TEAD1: variants seen among roughly 807,000 people sequenced by gnomAD.
TEAD1 encodes TEA domain transcription factor 1.
Under a neutral mutation model 54.9 loss-of-function variants are expected in TEAD1, and 9 were observed. That is an observed-to-expected ratio of 0.16 (90% confidence interval 0.10 to 0.29). The LOEUF is 0.29. Ranked by LOEUF, TEAD1 falls within the 10% of genes least tolerant of loss-of-function variation. TEAD1 has a pLI of 1.00. For synonymous variants in TEAD1, 200 were observed against 187.8 expected, an observed-to-expected ratio of 1.07 and a Z score of -0.53; for missense variants, 387 against 535.9, an observed-to-expected ratio of 0.72 and a Z score of 2.74.
chr11:12,873,511 A>C (rs1589947240), intron 5 of TEAD1, among the ~76,000 whole-genome samples: 1 of 152,164 alleles, frequency 6.6e-6, no homozygotes, highest in East Asian at 1.9e-4. Context: ...AGCCTTGAAA[A>C]TTTTTCCTTG....
At chr11:12,846,209 C>A (rs1351881773) in intron 3 of TEAD1, among the ~76,000 whole-genome samples, 1 of 152,202 alleles carries the variant, frequency 6.6e-6, no homozygotes, top group Admixed American at 6.5e-5. Context: ...ATTGTCTGAA[C>A]AAAATGTTGC....
chr11:12,716,028 C>T lies in TEAD1; in HGVS notation c.-55+40467C>T, dbSNP rs558946360. 5.6e-4 allele frequency among the ~76,000 whole-genome samples: 85 copies of T among 151,920 alleles called. 1 individual carries two copies. The highest frequency in any genetic ancestry group is 2.0e-3 in the African/African-American group (82 of 41,462). ...CACCCTCCCCACCTTCCCCCCAAGA[C>T]TGAGACTGTCATTTGCCCCCTTTGC... On this transcript the variant is annotated intron_variant, in intron 2 of 12. Coordinates refer to ENST00000527636, the MANE Select transcript of TEAD1 (RefSeq NM_021961.6).
chr11:12,885,677 G>T (rs913656748), intron 9 of TEAD1, among the ~76,000 whole-genome samples: 2 of 152,094 alleles, frequency 1.3e-5, no homozygotes, highest in African/African-American at 4.8e-5. Context: ...AAATACTATG[G>T]AATCATTTAT....
chr11:12,928,528 C>A (rs1459909290), intron 11 of TEAD1, among the ~76,000 whole-genome samples: 3 of 152,094 alleles, frequency 2.0e-5, no homozygotes, highest in Non-Finnish European at 2.9e-5. Flanking sequence ...CCTCAGCCTA[C>A]CAAAGTGCTA....
intron 12 of TEAD1, 143 bp from the exon 13 acceptor site, chr11:12,936,966 G>C (rs914072963): frequency 7.8e-6 from 5 of 639,950 alleles, no homozygotes; most frequent in Non-Finnish European, 1.4e-5. Flanking sequence ...TTCTGAATCT[G>C]TGTTAGAGGA....
intron 8 of TEAD1, 67 bp from the exon 9 acceptor site, chr11:12,882,934 C>T: frequency 1.9e-6 from 3 of 1,612,992 alleles, no homozygotes; most frequent in Non-Finnish European, 2.5e-6. Context: ...GAGCCCTGTT[C>T]CAGTATTTGC....
intron 2 of TEAD1, among the ~76,000 whole-genome samples, chr11:12,751,053 G>A (rs1009800271): frequency 1.7e-4 from 26 of 152,294 alleles, no homozygotes; most frequent in African/African-American, 6.0e-4. Context: ...GTTCATGCCT[G>A]TAGTCCCAGC....
chr11:12,844,224 C>T (rs748671957), intron 3 of TEAD1, among the ~76,000 whole-genome samples: 7 of 151,886 alleles, frequency 4.6e-5, no homozygotes, highest in Non-Finnish European at 8.8e-5. Flanking sequence ...ATGGTAGTGC[C>T]GCCATTGTTT....
At chr11:12,754,142 A>T (rs1372335351) in intron 2 of TEAD1, among the ~76,000 whole-genome samples, 2 of 152,188 alleles carry the variant, frequency 1.3e-5, no homozygotes, top group African/African-American at 2.4e-5. Context: ...CTTTGCATTG[A>T]GGTTTCATAT....
At chr11:12,811,233 C>T (rs1022962577) in intron 3 of TEAD1, among the ~76,000 whole-genome samples, 2 of 152,190 alleles carry the variant, frequency 1.3e-5, no homozygotes, top group African/African-American at 4.8e-5. Context: ...AAGAGAATCA[C>T]ACATCCTGTG....
rs193007315 is a variant in TEAD1, at chr11:12,677,684, C to A, written c.-55+2123C>A. Among the ~76,000 whole-genome samples, 23 of 152,328 alleles carry A rather than the reference C, an allele frequency of 1.5e-4. No individual in the cohort carries two copies. In the East Asian group the frequency reaches 2.3e-3, roughly 15 times the overall value. On this transcript the variant is annotated intron_variant, in intron 2 of 12. Transcript: ENST00000527636. ...GGTGTTTAGATCATATTTGTCCTTACATTTTCAGCAGAAAAGTATATAATA... is the reference window on the plus strand; with the variant it reads ...GGTGTTTAGATCATATTTGTCCTTAAATTTTCAGCAGAAAAGTATATAATA...
At chr11:12,733,830 C>G (rs1203831660) in intron 2 of TEAD1, among the ~76,000 whole-genome samples, 2 of 152,194 alleles carry the variant, frequency 1.3e-5, no homozygotes, top group Non-Finnish European at 2.9e-5. Context: ...CGAAAAATTC[C>G]TATTGTCTAG....
chr11:12,915,837 C>G (rs1016468797), intron 10 of TEAD1, among the ~76,000 whole-genome samples: 1 of 152,142 alleles, frequency 6.6e-6, no homozygotes, highest in Admixed American at 6.5e-5. Flanking sequence ...GAGTGAGACT[C>G]TGTCTCAGAA....
chr11:12,857,346 G>C (rs1947406823), intron 3 of TEAD1, among the ~76,000 whole-genome samples: 1 of 152,174 alleles, frequency 6.6e-6, no homozygotes, highest in Non-Finnish European at 1.5e-5. Context: ...AGCATCTGAG[G>C]CTTAAAGAGG....
intron 2 of TEAD1, among the ~76,000 whole-genome samples, chr11:12,689,575 G>T (rs116419326): frequency 0.011 from 1,722 of 152,290 alleles, 21 homozygotes; most frequent in African/African-American, 0.04. Context: ...AATTATGATT[G>T]TGACTACCAT....
chr11:12,695,100 G>C (rs1943552405), intron 2 of TEAD1, among the ~76,000 whole-genome samples: 1 of 152,258 alleles, frequency 6.6e-6, no homozygotes, highest in Non-Finnish European at 1.5e-5. Flanking sequence ...CGCACAGCCA[G>C]GCTGGCGAGG....
chr11:12,828,981 G>A (rs1436564148), intron 3 of TEAD1, among the ~76,000 whole-genome samples: 1 of 151,992 alleles, frequency 6.6e-6, no homozygotes, highest in Non-Finnish European at 1.5e-5. Flanking sequence ...TGTTTTGTGA[G>A]GATTTTTAAA....
intron 2 of TEAD1, among the ~76,000 whole-genome samples, chr11:12,676,886 G>C (rs1215828172): frequency 6.6e-6 from 1 of 152,072 alleles, no homozygotes; most frequent in African/African-American, 2.4e-5. Flanking sequence ...ATCCATTACG[G>C]GTTCTTGCTG....
At chr11:12,868,202 CT>C (rs1383294173) in intron 5 of TEAD1, among the ~76,000 whole-genome samples, 3 of 152,160 alleles carry the variant, frequency 2.0e-5, no homozygotes, top group African/African-American at 7.2e-5. Context: ...GTTCTTTGGG[CT>C]GGTGTTTTCC....
Sources: allele counts gnomAD v4.1 joint callset (sites outside exome capture counted in the v4.1 genomes callset), GRCh38; gene constraint gnomAD v4.1.1; transcripts MANE v1.5; gene names NCBI Gene and HGNC (gene_info 2026-07-23, HGNC 2026-07-21).